TBXA2R: variants seen among roughly 807,000 people sequenced by gnomAD.
TBXA2R encodes thromboxane A2 receptor.
A neutral mutation model predicts 15.6 loss-of-function variants in TBXA2R; 15 were observed. The ratio of observed to expected loss-of-function variants is 0.96; its 90% CI spans 0.64 to 1.48. The LOEUF (loss-of-function observed/expected upper bound fraction) is 1.48, where lower values mean the gene tolerates loss of function less well. Among genes scored for constraint, TBXA2R ranks in the 40% most tolerant of loss-of-function variants. TBXA2R has a pLI of 0.00. For synonymous variants in TBXA2R, 280 were observed against 241.2 expected, an observed-to-expected ratio of 1.16 and a Z score of -1.49; for missense variants, 506 against 491.4, an observed-to-expected ratio of 1.03 and a Z score of -0.28.
At chr19:3,601,676 C>T (rs991438240) in intron 1 of TBXA2R, among the ~76,000 whole-genome samples, 1 of 152,180 alleles carries the variant, frequency 6.6e-6, no homozygotes, top group Non-Finnish European at 1.5e-5. Context: ...CCTGTAATCC[C>T]AGCACTTTGG....
chr19:3,596,383 G>A (rs938106100), intron 2 of TBXA2R, among the ~76,000 whole-genome samples: 6 of 152,030 alleles, frequency 3.9e-5, no homozygotes, highest in Admixed American at 2.6e-4. Flanking sequence ...TTGACTAACC[G>A]CTCTGAGCTC....
Position 3,594,855 on chromosome 19 carries a change from G to T in TBXA2R, c.*833C>A. ...TCACATTCAATCCTTTCTGGACAGA[G>T]CCTTCCCTGTTGGAGGTTCAAAAGG... On this transcript the variant is annotated 3_prime_UTR_variant, in exon 3 of 3. Transcript: ENST00000375190. 1.3e-6 allele frequency: 2 copies of T among 1,536,886 alleles called. No individual in the cohort carries two copies. Among genetic ancestry groups the T allele is most frequent in the Middle Eastern group, 1.7e-4 (1 of 5,988 alleles).
intron 2 of TBXA2R, among the ~76,000 whole-genome samples, chr19:3,599,621 C>T (rs541921929): frequency 2.2e-4 from 34 of 152,310 alleles, no homozygotes; most frequent in African/African-American, 8.2e-4. Context: ...TGAGCCACCA[C>T]GCCTGGCCTT....
chr19:3,605,294 A>G (rs2032808894), intron 1 of TBXA2R, among the ~76,000 whole-genome samples: 1 of 152,258 alleles, frequency 6.6e-6, no homozygotes, highest in Admixed American at 6.5e-5. Context: ...AGTTACAGTG[A>G]TTCCACCAAC....
chr19:3,596,826 C>T (rs1315160509), intron 2 of TBXA2R, among the ~76,000 whole-genome samples: 2 of 151,740 alleles, frequency 1.3e-5, no homozygotes, highest in Non-Finnish European at 2.9e-5. Context: ...TGTGATCTGC[C>T]CTCCTCGGCC....
chr19:3,599,180 G>A (rs145025703), intron 2 of TBXA2R, among the ~76,000 whole-genome samples: 1 of 150,384 alleles, frequency 6.6e-6, no homozygotes, highest in Non-Finnish European at 1.5e-5. Context: ...TTGGAGGCAG[G>A]GTCTCACTCT....
At position 3,600,671 on chromosome 19, in the gene TBXA2R, C is replaced by T; in HGVS notation, c.-37G>A. ...CCTGAGGGATCAGTCACCACCCCATCAGGCCGATGCTGCAGACAGGGCAGG... is the reference window on the plus strand; with the variant it reads ...CCTGAGGGATCAGTCACCACCCCATTAGGCCGATGCTGCAGACAGGGCAGG... On this transcript the variant is annotated 5_prime_UTR_variant, in exon 2 of 3. The change abolishes the stop of an existing upstream ORF in the 5' untranslated region. Transcript: ENST00000375190. 1 of 1,604,564 alleles carries T rather than the reference C, an allele frequency of 6.2e-7. No individual in the cohort carries two copies. Among genetic ancestry groups the T allele is most frequent in the Non-Finnish European group, 8.5e-7 (1 of 1,175,666 alleles).
chr19:3,595,701 G>C lies in TBXA2R; in HGVS notation c.1019C>G (p.Ser340Cys), dbSNP rs758111970. Residue 340 changes from serine (S) to cysteine (C), a missense_variant, in exon 3 of 3, where the codon TCC becomes TGC. Ser to Cys is a moderately radical substitution (Grantham distance 112). Coordinates refer to ENST00000375190, the MANE Select transcript of TBXA2R (RefSeq NM_001060.6). ...LSLQPQLTQR[S>C]GLQ ...TCTGTCCACTTCCTACTGCAGCCCG[G>C]AGCGCTGCGTGAGCTGGGGCTGGAG... 1.3e-6 allele frequency: 2 copies of C among 1,589,874 alleles called. No homozygotes were observed. Among genetic ancestry groups the C allele is most frequent in the Non-Finnish European group, 1.7e-6 (2 of 1,169,232 alleles).
In TBXA2R at chr19:3,600,463, G is replaced by A; in HGVS notation, c.172C>T (p.His58Tyr). 4 of 1,612,790 alleles carry A rather than the reference G, an allele frequency of 2.5e-6. No individual in the cohort carries two copies. The highest frequency in any genetic ancestry group is 1.1e-5 in the South Asian group (1 of 91,056). Residue 58 changes from histidine (H) to tyrosine (Y), a missense_variant, in exon 2 of 3, where the codon CAC becomes TAC. Physicochemically the swap from His to Tyr is moderately conservative, Grantham distance 83. Transcript: ENST00000375190. ...AAGGTGAGGAAGGAGGAGCGCGTGT[G>A]CGAACCCCCCTGCCGCGCGCCCGCC... ...VLAGARQGGSHTRSSFLTFLC... is the reference protein window; with the variant it reads ...VLAGARQGGSYTRSSFLTFLC...
At chr19:3,606,297 C>G (rs890752406) in intron 1 of TBXA2R, among the ~76,000 whole-genome samples, 1 of 152,204 alleles carries the variant, frequency 6.6e-6, no homozygotes, top group African/African-American at 2.4e-5. Context: ...GAGAGCCCCC[C>G]GGACAGAATC....
chr19:3,600,969 C>G (rs762913292), intron 1 of TBXA2R, among the ~76,000 whole-genome samples: 1 of 151,554 alleles, frequency 6.6e-6, no homozygotes, highest in Non-Finnish European at 1.5e-5. Context: ...GCTGGGACTA[C>G]AGGCACATAC....
In TBXA2R at chr19:3,595,919, C is replaced by T. The variant is rs187589930; in HGVS notation, c.801G>A (p.Gln267=). ...CWLPLLVFIA[Q]TVLRNPPAMS... is the part of the protein sequence containing the mutation. ...TGGCAGGCGGGTTTCGCAGCACTGT[C>T]TGGGCGATGAAGACCTGCAAAGGGG... The change falls in exon 3 of 3, where the codon CAG becomes CAA. Residue 267 remains glutamine, a synonymous_variant. Transcript: ENST00000375190. 53 of 1,596,232 alleles carry T rather than the reference C, an allele frequency of 3.3e-5. No individual in the cohort carries two copies. In the Admixed American group the frequency reaches 8.9e-4, roughly 27 times the overall value.
Position 3,594,794 on chromosome 19 carries a change from G to T in TBXA2R, c.*894C>A. 1 of 1,488,194 alleles carries T rather than the reference G, an allele frequency of 6.7e-7. No individual in the cohort carries two copies. Among genetic ancestry groups the T allele is most frequent in the South Asian group, 1.2e-5 (1 of 82,162 alleles). 92.2% of individuals were successfully genotyped at this position (1,488,194 alleles called of 1,614,324 possible). ...CCAAAGGAAAATAAAACCAAAGGCAGAGATATATTTTGGCAAGAAAAGGGG... is the reference window on the plus strand; with the variant it reads ...CCAAAGGAAAATAAAACCAAAGGCATAGATATATTTTGGCAAGAAAAGGGG... On this transcript the variant is annotated 3_prime_UTR_variant, in exon 3 of 3. Coordinates refer to ENST00000375190, the MANE Select transcript of TBXA2R (RefSeq NM_001060.6).
rs2032841801 is a variant in TBXA2R at position 3,606,638 on chromosome 19, G to A, written c.-192C>T. The A allele has an allele frequency of 6.6e-6, 1 of 152,368 alleles. No individual in the cohort carries two copies. Among genetic ancestry groups the A allele is most frequent in the Admixed American group, 6.5e-5 (1 of 15,290 alleles). The allele number at this position is 152,368 out of a possible 1,614,324, so 9.4% of individuals were successfully genotyped here. On this transcript the variant is annotated 5_prime_UTR_variant, in exon 1 of 3. Transcript: ENST00000375190. ...GATGTGCGGGCGCCGAGGGTGGGGC[G>A]AGGGCTGGGGGCGGGCAGAGGGAGG...
intron 2 of TBXA2R, among the ~76,000 whole-genome samples, chr19:3,596,752 T>G (rs2032612206): frequency 1.3e-5 from 2 of 150,326 alleles, no homozygotes; most frequent in Admixed American, 1.3e-4. Flanking sequence ...CGGCTAATTT[T>G]TTGTATTTTT....
chr19:3,599,172 G>T (rs995142590), intron 2 of TBXA2R, among the ~76,000 whole-genome samples: 2 of 148,884 alleles, frequency 1.3e-5, no homozygotes, highest in Non-Finnish European at 1.5e-5. Flanking sequence ...TTTTTAATTT[G>T]GAGGCAGGGT....
rs5758 is a variant in TBXA2R, at chr19:3,595,034, C to G, written c.*654G>C. On this transcript the variant is annotated 3_prime_UTR_variant, in exon 3 of 3. Transcript: ENST00000375190. ...GGCGGAGGTTGCAGTGAGCCGAGATCGTGCCACTGTACTCCAGGCTGGGCC... is the reference window on the plus strand; with the variant it reads ...GGCGGAGGTTGCAGTGAGCCGAGATGGTGCCACTGTACTCCAGGCTGGGCC... The G allele has an allele frequency of 8.9e-7, 1 of 1,127,068 alleles. No homozygotes were observed. Among genetic ancestry groups the G allele is most frequent in the Non-Finnish European group, 1.2e-6 (1 of 801,248 alleles). 69.8% of individuals were successfully genotyped at this position (1,127,068 alleles called of 1,614,324 possible). A position where few individuals can be genotyped will look rare whatever the true frequency, so the allele number is the denominator to read the frequency against.
chr19:3,601,591 C>G (rs2032740053), intron 1 of TBXA2R, among the ~76,000 whole-genome samples: 1 of 151,068 alleles, frequency 6.6e-6, no homozygotes, highest in South Asian at 2.1e-4. Context: ...AAAATGGGGC[C>G]AGGTGTGATG....
At chr19:3,601,798 G>A (rs1043616853) in intron 1 of TBXA2R, among the ~76,000 whole-genome samples, 1 of 152,048 alleles carries the variant, frequency 6.6e-6, no homozygotes, top group African/African-American at 2.4e-5. Context: ...ATGGTGGCGG[G>A]CGCCTGTAAT....
Sources: gnomAD v4.1 joint callset for allele counts (sites outside exome capture counted in the v4.1 genomes callset) on GRCh38, gnomAD v4.1.1 for gene constraint, MANE v1.5 for transcripts, NCBI Gene and HGNC (gene_info 2026-07-23, HGNC 2026-07-21) for gene names.